Variants in PCDHGA8 observed in about 807,000 individuals in gnomAD.
PCDHGA8 encodes protocadherin gamma subfamily A, 8, also known as protocadherin gamma-A8.
In PCDHGA8, 45 loss-of-function variants were observed where a neutral mutation model predicts 59.2. That is an observed-to-expected ratio of 0.76 (90% CI 0.60 to 0.98). The LOEUF is 0.98. Among genes scored for constraint, PCDHGA8 ranks in the 50% least tolerant of loss-of-function variants. PCDHGA8 has a pLI of 0.00. For synonymous variants in PCDHGA8, 531 were observed against 519.0 expected, an observed-to-expected ratio of 1.02 and a Z score of -0.32; for missense variants, 1,257 against 1,196.2, an observed-to-expected ratio of 1.05 and a Z score of -0.75.
chr5:141,427,469 C>T lies in PCDHGA8; in HGVS notation c.2424+32232C>T, dbSNP rs116302471. The T allele has an allele frequency of 9.8e-3, 5,010 of 510,088 alleles. 35 individuals are homozygous for T. Among genetic ancestry groups the T allele is most frequent in the Non-Finnish European group, 0.012 (3,225 of 262,464 alleles). 31.6% of individuals were successfully genotyped at this position (510,088 alleles called of 1,614,324 possible). A position where few individuals can be genotyped will look rare whatever the true frequency, so the allele number is the denominator to read the frequency against. On this transcript the variant is annotated intron_variant, in intron 1 of 3. Coordinates refer to ENST00000398604, the MANE Select transcript of PCDHGA8 (RefSeq NM_032088.2). Reference sequence around the variant, plus strand: ...GAGTTCCTTTTAGAATCGAATCTTCCGCCAATAATGACTATAAGCTTGTAA... The same window carrying T: ...GAGTTCCTTTTAGAATCGAATCTTCTGCCAATAATGACTATAAGCTTGTAA...
intron 1 of PCDHGA8, among the ~76,000 whole-genome samples, chr5:141,446,394 A>C (rs796472404): frequency 1.1e-4 from 17 of 152,344 alleles, no homozygotes; most frequent in African/African-American, 3.4e-4. Context: ...ATTTAAGAGA[A>C]ATCGAGTTGA....
At position 141,476,409 on chromosome 5, in the gene PCDHGA8, G is replaced by A. The variant is rs1226666958; in HGVS notation, c.2425-18398G>A. The A allele has an allele frequency of 6.2e-7, 1 of 1,614,154 alleles. No homozygotes were observed. The highest frequency in any genetic ancestry group is 1.7e-5 in the Admixed American group (1 of 60,030). ...GACCGTCTGGATCGAGAGGAGCTGT[G>A]TGGGACACTGCCCTCTTGCACTGTA... is the stretch of plus-strand genomic sequence containing the variant. On this transcript the variant is annotated intron_variant, in intron 1 of 3. Coordinates refer to ENST00000398604, the MANE Select transcript of PCDHGA8 (RefSeq NM_032088.2). The surrounding 1 kb of genome is among the most constrained non-coding windows in gnomAD (Gnocchi z 7.6).
intron 1 of PCDHGA8, chr5:141,405,141 A>G (rs749502643): frequency 6.2e-7 from 1 of 1,613,980 alleles, no homozygotes; most frequent in South Asian, 1.1e-5. Flanking sequence ...GCTACCAGTG[A>G]TGGGTTGGCT....
chr5:141,495,041 G>A, intron 2 of PCDHGA8, 176 bp downstream of exon 2: 1 of 942,350 alleles, frequency 1.1e-6, no homozygotes, highest in Non-Finnish European at 1.3e-6. Flanking sequence ...AGGAAGAGGC[G>A]ACTGCCCTGA....
chr5:141,486,282 C>T lies in PCDHGA8; in HGVS notation c.2425-8525C>T. ...AGTGCAGAACCTGGCACTGTGGTGGCACTTATCAGTGTGCAGGATCCAGAC... is the reference window on the plus strand; with the variant it reads ...AGTGCAGAACCTGGCACTGTGGTGGTACTTATCAGTGTGCAGGATCCAGAC... On this transcript the variant is annotated intron_variant, in intron 1 of 3. Transcript: ENST00000398604. This position sits in a 1 kb window ranked among gnomAD's most constrained non-coding sequence, Gnocchi z 5.0. 6.2e-7 allele frequency: 1 copy of T among 1,614,052 alleles called. No homozygotes were observed. Among genetic ancestry groups the T allele is most frequent in the Non-Finnish European group, 8.5e-7 (1 of 1,179,992 alleles).
chr5:141,476,421 C>T lies in PCDHGA8; in HGVS notation c.2425-18386C>T, dbSNP rs765688262. On this transcript the variant is annotated intron_variant, in intron 1 of 3. Coordinates refer to ENST00000398604, the MANE Select transcript of PCDHGA8 (RefSeq NM_032088.2). The surrounding 1 kb of genome is among the most constrained non-coding windows in gnomAD (Gnocchi z 7.6). ...CGAGAGGAGCTGTGTGGGACACTGC[C>T]CTCTTGCACTGTAACTCTGGAGTTG... 1 of 1,614,026 alleles carries T rather than the reference C, an allele frequency of 6.2e-7. No homozygotes were observed. The highest frequency in any genetic ancestry group is 8.5e-7 in the Non-Finnish European group (1 of 1,179,994).
At chr5:141,403,209 C>T (rs1247618991) in intron 1 of PCDHGA8, 2 of 1,613,982 alleles carry the variant, frequency 1.2e-6, no homozygotes, top group Admixed American at 1.7e-5. Context: ...ACCTTGGTCA[C>T]CGCGGGTAGG....
At chr5:141,404,675 G>A (rs1048688884) in intron 1 of PCDHGA8, 2 of 1,614,200 alleles carry the variant, frequency 1.2e-6, no homozygotes, top group Non-Finnish European at 1.7e-6. Flanking sequence ...TTCTACTGGT[G>A]TGGAGCTGGC....
rs781336795 is a variant in PCDHGA8, at chr5:141,477,936, C to T, written c.2425-16871C>T. Reference sequence around the variant, plus strand: ...GATGCAGGGCACAATGCCTGGCTCTCCTACAGTCTCTTGGGATCCCCTAAC... The same window carrying T: ...GATGCAGGGCACAATGCCTGGCTCTTCTACAGTCTCTTGGGATCCCCTAAC... On this transcript the variant is annotated intron_variant, in intron 1 of 3. Transcript: ENST00000398604. This position sits in a 1 kb window ranked among gnomAD's most constrained non-coding sequence, Gnocchi z 4.9. 1.2e-6 allele frequency: 2 copies of T among 1,614,170 alleles called. No homozygotes were observed. The highest frequency in any genetic ancestry group is 1.1e-5 in the South Asian group (1 of 91,088).
In PCDHGA8 at chr5:141,431,509, C is replaced by T. The variant is rs774558486; in HGVS notation, c.2424+36272C>T. The T allele has an allele frequency of 3.1e-6, 5 of 1,613,992 alleles. 1 individual carries two copies. In the Admixed American group the frequency reaches 5.0e-5, roughly 16 times the overall value. On this transcript the variant is annotated intron_variant, in intron 1 of 3. Coordinates refer to ENST00000398604, the MANE Select transcript of PCDHGA8 (RefSeq NM_032088.2). This position sits in a 1 kb window ranked among gnomAD's most constrained non-coding sequence, Gnocchi z 4.8. ...TTGCTCAGCCCGAGTACCGCGCGAG[C>T]GTTCCGGAGAATCTGGCCTTGGGCA...
chr5:141,487,380 G>A lies in PCDHGA8; in HGVS notation c.2425-7427G>A. On this transcript the variant is annotated intron_variant, in intron 1 of 3. Transcript: ENST00000398604. This position sits in a 1 kb window ranked among gnomAD's most constrained non-coding sequence, Gnocchi z 5.0. ...GCTGGCACCTGTGCCTGTCTCACCA[G>A]ATCTCGAAGGAGGGAGGGGCTTCCC... is the stretch of plus-strand genomic sequence containing the variant. The A allele has an allele frequency of 1.2e-6, 2 of 1,614,202 alleles. No individual in the cohort carries two copies. The highest frequency in any genetic ancestry group is 2.2e-5 in the South Asian group (2 of 91,078).
At chr5:141,404,479 A>C in intron 1 of PCDHGA8, 1 of 1,613,750 alleles carries the variant, frequency 6.2e-7, no homozygotes, top group South Asian at 1.1e-5. Context: ...CTATTAACTC[A>C]GACACTGGTG....
chr5:141,464,290 A>AC (rs1287070540), intron 1 of PCDHGA8, among the ~76,000 whole-genome samples: 1 of 149,916 alleles, frequency 6.7e-6, no homozygotes, highest in Non-Finnish European at 1.5e-5. Context: ...AAAAAAAAAA[A>AC]CTCCATTGTA....
chr5:141,405,901 G>A (rs954255473), intron 1 of PCDHGA8, among the ~76,000 whole-genome samples: 1 of 152,092 alleles, frequency 6.6e-6, no homozygotes, highest in Non-Finnish European at 1.5e-5. Context: ...ACTGAAAGGA[G>A]GCATTTATTA....
rs762770481 is a variant in PCDHGA8, at chr5:141,432,320, G to GACT, written c.2424+37086_2424+37088dup. On this transcript the variant is annotated intron_variant, in intron 1 of 3. Coordinates refer to ENST00000398604, the MANE Select transcript of PCDHGA8 (RefSeq NM_032088.2). This position sits in a 1 kb window ranked among gnomAD's most constrained non-coding sequence, Gnocchi z 6.0. ...GGTACTGTATGCGCTGAGCTCCTTC[G>GACT]ACTACGAGCAGTTCCGAGACTTGCA... is the stretch of plus-strand genomic sequence containing the variant. The GACT allele has an allele frequency of 2.6e-5, 42 of 1,614,238 alleles. No individual in the cohort carries two copies. The highest frequency in any genetic ancestry group is 3.6e-5 in the Non-Finnish European group (42 of 1,180,038).
At chr5:141,442,253 G>A (rs910914393) in intron 1 of PCDHGA8, 2 of 153,064 alleles carry the variant, frequency 1.3e-5, no homozygotes, top group Non-Finnish European at 2.9e-5. Flanking sequence ...TGCATTGTTT[G>A]TGCTGGTTTT....
chr5:141,481,689 C>T (rs1198127143), intron 1 of PCDHGA8, among the ~76,000 whole-genome samples: 1 of 152,102 alleles, frequency 6.6e-6, no homozygotes, highest in Non-Finnish European at 1.5e-5. Context: ...CCTGGTGGCT[C>T]ACGCCTGTAA....
In PCDHGA8 at chr5:141,394,791, C is replaced by G. The variant is rs919264078; in HGVS notation, c.1978C>G (p.Leu660Val). 1 of 1,613,736 alleles carries G rather than the reference C, an allele frequency of 6.2e-7. No individual in the cohort carries two copies. The change falls in exon 1 of 4, where the codon CTC becomes GTC. Residue 660 changes from leucine to valine, a missense_variant. Transcript: ENST00000398604. ...GCCCCCTCTCTCCGCCACTGTCACG[C>G]TCACCGTAGCCGTGGCTGACAGCAT... is the stretch of plus-strand genomic sequence containing the variant. ...GQPPLSATVT[L>V]TVAVADSIPE...
chr5:141,418,748 A>G, intron 1 of PCDHGA8: 7 of 1,613,954 alleles, frequency 4.3e-6, no homozygotes, highest in East Asian at 2.2e-5. Context: ...TCTGGATTAC[A>G]CTACAGGAAA....
Sources: gnomAD v4.1 joint callset for allele counts (sites outside exome capture counted in the v4.1 genomes callset) on GRCh38, gnomAD v4.1.1 for gene constraint, Gnocchi (gnomAD v3.1) non-coding constraint, MANE v1.5 for transcripts, NCBI Gene and HGNC (gene_info 2026-07-23, HGNC 2026-07-21) for gene names.